ZNF722: variants seen among roughly 807,000 people sequenced by gnomAD.
The protein encoded by ZNF722 is zinc finger protein 479 pseudogene.
At chr7:64,004,985 A>G in the ZNF722 span, among the ~76,000 whole-genome samples, 1 of 152,188 alleles carries the variant, frequency 6.6e-6, no homozygotes, top group Non-Finnish European at 1.5e-5. Context: ...TGACTGTTCT[A>G]TCTGAGAAAT....
the ZNF722 span, among the ~76,000 whole-genome samples, chr7:64,017,477 C>G: frequency 6.6e-6 from 1 of 152,138 alleles, no homozygotes; most frequent in African/African-American, 2.4e-5. Context: ...ATTCTGAAGA[C>G]AAACATACAA....
chr7:64,015,244 A>G, the ZNF722 span: 5 of 1,205,818 alleles, frequency 4.1e-6, no homozygotes, highest in South Asian at 1.2e-5. Flanking sequence ...TTTCAGACTC[A>G]TAAGTGTGTC....
At chr7:64,001,229 C>T in the ZNF722 span, among the ~76,000 whole-genome samples, 2 of 152,098 alleles carry the variant, frequency 1.3e-5, no homozygotes, top group Non-Finnish European at 2.9e-5. Flanking sequence ...TTCTGATTTT[C>T]GTCATCCTCC....
chr7:64,018,058 A>G, the ZNF722 span, among the ~76,000 whole-genome samples: 1 of 152,144 alleles, frequency 6.6e-6, no homozygotes, highest in Non-Finnish European at 1.5e-5. Context: ...TTCATTAAAT[A>G]AAGTTGTTTT....
At chr7:64,006,492 G>T in the ZNF722 span, among the ~76,000 whole-genome samples, 1 of 152,240 alleles carries the variant, frequency 6.6e-6, no homozygotes, top group African/African-American at 2.4e-5. Flanking sequence ...GCCCCATGCT[G>T]TTAAATTCTC....
At chr7:64,017,081 T>C in the ZNF722 span, among the ~76,000 whole-genome samples, 1 of 152,126 alleles carries the variant, frequency 6.6e-6, no homozygotes. Context: ...ATCAGAAAGT[T>C]TATAGTTAAT....
At chr7:64,004,425 A>AAAAAAAAAAAAAAAAAAATATATATAT in the ZNF722 span, among the ~76,000 whole-genome samples, 1 of 61,118 alleles carries the variant, frequency 1.6e-5, no homozygotes, top group African/African-American at 8.0e-5. Flanking sequence ...AAAAAAAAAA[A>AAAAAAAAAAAAAAAAAAATATATATAT]ATATATATAT....
At chr7:64,006,795 T>A in the ZNF722 span, among the ~76,000 whole-genome samples, 1 of 150,832 alleles carries the variant, frequency 6.6e-6, no homozygotes, top group Admixed American at 6.7e-5. Context: ...AAAGTTTTTT[T>A]ACAAATTTTT....
At chr7:63,999,533 TGAAG>T in the ZNF722 span, among the ~76,000 whole-genome samples, 1 of 152,210 alleles carries the variant, frequency 6.6e-6, no homozygotes, top group African/African-American at 2.4e-5. Flanking sequence ...AGTTGCGTGA[TGAAG>T]GAAACCAAAT....
At chr7:64,015,782 C>G in the ZNF722 span, 1 of 1,611,704 alleles carries the variant, frequency 6.2e-7, no homozygotes, top group Non-Finnish European at 8.5e-7. Flanking sequence ...GCTCCTCAAC[C>G]CTTAAGACAC....
At chr7:64,016,817 T>TA in the ZNF722 span, among the ~76,000 whole-genome samples, 1 of 152,056 alleles carries the variant, frequency 6.6e-6, no homozygotes, top group Non-Finnish European at 1.5e-5. Flanking sequence ...CAAACTTTTC[T>TA]AAAAAAGGGA....
the ZNF722 span, among the ~76,000 whole-genome samples, chr7:64,013,665 A>G: frequency 6.6e-6 from 1 of 152,094 alleles, no homozygotes; most frequent in African/African-American, 2.4e-5. Context: ...ATAACTAAAA[A>G]TGTTTTCGGC....
the ZNF722 span, among the ~76,000 whole-genome samples, chr7:64,011,992 ACTTCT>A: frequency 1.3e-5 from 2 of 150,576 alleles, no homozygotes; most frequent in Non-Finnish European, 3.0e-5. Context: ...ACTTCATTTC[ACTTCT>A]CTTCTCACTT....
chr7:64,007,756 C>A, the ZNF722 span, among the ~76,000 whole-genome samples: 1 of 152,014 alleles, frequency 6.6e-6, no homozygotes, highest in Non-Finnish European at 1.5e-5. Flanking sequence ...GGGTATATAC[C>A]CAGTAATGGG....
the ZNF722 span, among the ~76,000 whole-genome samples, chr7:64,002,546 G>A: frequency 1.3e-4 from 20 of 151,950 alleles, no homozygotes; most frequent in Middle Eastern, 3.4e-3. Context: ...TATTCTATAC[G>A]TTTTCTTTTT....
At chr7:64,003,645 A>T in the ZNF722 span, among the ~76,000 whole-genome samples, 1 of 152,092 alleles carries the variant, frequency 6.6e-6, no homozygotes, top group Non-Finnish European at 1.5e-5. Flanking sequence ...TGTTATTTTT[A>T]TGATAGTCAA....
the ZNF722 span, among the ~76,000 whole-genome samples, chr7:64,016,865 G>A: frequency 3.3e-5 from 5 of 152,206 alleles, no homozygotes; most frequent in East Asian, 9.6e-4. Flanking sequence ...TGTTAAATGT[G>A]GCAAGGCCTT....
chr7:64,015,744 T>C, the ZNF722 span: 1 of 1,613,342 alleles, frequency 6.2e-7, no homozygotes, highest in Non-Finnish European at 8.5e-7. Flanking sequence ...ACCCTACACA[T>C]GTGAAGAATG....
At chr7:63,998,944 G>T in the ZNF722 span, 16 of 1,573,604 alleles carry the variant, frequency 1.0e-5, no homozygotes, top group African/African-American at 1.9e-4. Context: ...CTTGTGTCCT[G>T]CAGGTATTCG....
Sources: gnomAD v4.1 joint callset for allele counts (sites outside exome capture counted in the v4.1 genomes callset) on GRCh38, gnomAD v4.1.1 for gene constraint, MANE v1.5 for transcripts, NCBI Gene and HGNC (gene_info 2026-07-23, HGNC 2026-07-21) for gene names.